SLCO1A2: variants seen among roughly 807,000 people sequenced by gnomAD.
SLCO1A2 encodes the protein solute carrier organic anion transporter family member 1A2.
Under a neutral mutation model 69.0 loss-of-function variants are expected in SLCO1A2, and 67 were observed. The ratio of observed to expected loss-of-function variants is 0.97; its 90% CI spans 0.80 to 1.19. SLCO1A2 has a LOEUF of 1.19. Ranked by LOEUF, SLCO1A2 falls within the 50% of genes most tolerant of loss-of-function variation. The pLI, the probability that SLCO1A2 is intolerant of heterozygous loss-of-function variation, is 0.00. For synonymous variants in SLCO1A2, 260 were observed against 265.9 expected (o/e 0.98, Z 0.22); for missense variants, 787 against 793.7 (o/e 0.99, Z 0.10).
At chr12:21,365,627 A>G (rs1281219355) in intron 2 of SLCO1A2, among the ~76,000 whole-genome samples, 9 of 152,362 alleles carry the variant, frequency 5.9e-5, no homozygotes, top group Admixed American at 1.3e-4. Flanking sequence ...AGAATGGGAG[A>G]AAATTTTTAC....
In SLCO1A2 at chr12:21,393,403, T is replaced by C. The variant is rs141608153; in HGVS notation, c.-190+1503A>G. On this transcript the variant is annotated intron_variant, in intron 1 of 15. Transcript: ENST00000307378. Reference sequence around the variant, plus strand: ...CAGAGAATGATATACACTGATTCTATTAGATGCATAATAAGAAACAACCAT... The same window carrying C: ...CAGAGAATGATATACACTGATTCTACTAGATGCATAATAAGAAACAACCAT... Among the ~76,000 whole-genome samples the C allele has an allele frequency of 6.1e-4, 93 of 152,290 alleles. 3 individuals are homozygous for C. The highest frequency in any genetic ancestry group is 2.1e-3 in the African/African-American group (87 of 41,562).
At chr12:21,328,113 G>A (rs921974929) in intron 2 of SLCO1A2, among the ~76,000 whole-genome samples, 1 of 152,170 alleles carries the variant, frequency 6.6e-6, no homozygotes, top group African/African-American at 2.4e-5. Context: ...CTGCCACCGT[G>A]TAAGATATGC....
chr12:21,346,983 A>C (rs1021932492), intron 2 of SLCO1A2, among the ~76,000 whole-genome samples: 6 of 152,182 alleles, frequency 3.9e-5, no homozygotes, highest in African/African-American at 1.4e-4. Flanking sequence ...CAAAAAAAAA[A>C]AAAGCCACTA....
upstream of SLCO1A2, among the ~76,000 whole-genome samples, chr12:21,397,011 C>G (rs1052926565): frequency 1.3e-5 from 2 of 151,230 alleles, no homozygotes; most frequent in African/African-American, 4.9e-5. Flanking sequence ...GGATCAAATT[C>G]ACACATAACA....
intron 1 of SLCO1A2, among the ~76,000 whole-genome samples, chr12:21,382,160 A>AAAT (rs1435128286): frequency 6.6e-6 from 1 of 152,224 alleles, no homozygotes; most frequent in Non-Finnish European, 1.5e-5. Context: ...AAAAGGAATG[A>AAAT]AATAATGTCT....
intron 1 of SLCO1A2, among the ~76,000 whole-genome samples, chr12:21,393,735 C>A (rs1010350567): frequency 4.6e-5 from 7 of 152,076 alleles, no homozygotes; most frequent in Non-Finnish European, 1.0e-4. Context: ...AGGTATATAT[C>A]TCAGAAATTG....
chr12:21,391,940 C>A (rs1941175875), intron 1 of SLCO1A2, among the ~76,000 whole-genome samples: 1 of 152,138 alleles, frequency 6.6e-6, no homozygotes, highest in South Asian at 2.1e-4. Flanking sequence ...TCTCCTTCTG[C>A]CTTCCTTTTT....
At chr12:21,348,143 A>T (rs1937647758) in intron 2 of SLCO1A2, among the ~76,000 whole-genome samples, 1 of 152,202 alleles carries the variant, frequency 6.6e-6, no homozygotes, top group Admixed American at 6.5e-5. Flanking sequence ...GTATATGTTT[A>T]TGGGGTACAT....
chr12:21,298,572 T>C (rs1469185215), intron 8 of SLCO1A2, among the ~76,000 whole-genome samples: 4 of 152,156 alleles, frequency 2.6e-5, no homozygotes, highest in Non-Finnish European at 4.4e-5. Flanking sequence ...TTAATGCAAG[T>C]AAATGAGTTA....
intron 2 of SLCO1A2, chr12:21,373,670 A>G (rs1409685287): frequency 1.3e-5 from 9 of 701,334 alleles, no homozygotes; most frequent in African/African-American, 5.2e-5. Flanking sequence ...AGTTTTGTCA[A>G]GAAATATACT....
intron 2 of SLCO1A2, among the ~76,000 whole-genome samples, chr12:21,345,152 T>A (rs1177459289): frequency 1.3e-5 from 2 of 152,012 alleles, no homozygotes; most frequent in African/African-American, 4.8e-5. Flanking sequence ...GTTTCCTGCT[T>A]GGTTTTGCTA....
chr12:21,306,611 G>A (rs1055270470), intron 5 of SLCO1A2, among the ~76,000 whole-genome samples: 10 of 152,174 alleles, frequency 6.6e-5, no homozygotes, highest in African/African-American at 2.4e-4. Context: ...ACAGGCGTGA[G>A]CCACTGCACC....
At chr12:21,388,681 T>G (rs1249179137) in intron 1 of SLCO1A2, among the ~76,000 whole-genome samples, 1 of 152,154 alleles carries the variant, frequency 6.6e-6, no homozygotes, top group Non-Finnish European at 1.5e-5. Flanking sequence ...AATTTTTAAC[T>G]GTAATCATTA....
At chr12:21,372,503 G>A (rs1591893806) in intron 2 of SLCO1A2, among the ~76,000 whole-genome samples, 1 of 152,144 alleles carries the variant, frequency 6.6e-6, no homozygotes, top group East Asian at 1.9e-4. Flanking sequence ...AGCTTCATGG[G>A]ATTCAGCCAT....
chr12:21,376,226 C>A, intron 1 of SLCO1A2: 1 of 167,536 alleles, frequency 6.0e-6, no homozygotes, highest in Non-Finnish European at 1.3e-5. Flanking sequence ...GTATTTCACA[C>A]TGTGCTTCAG....
At chr12:21,312,554 C>T (rs1950351146) in intron 4 of SLCO1A2, among the ~76,000 whole-genome samples, 2 of 152,200 alleles carry the variant, frequency 1.3e-5, no homozygotes, top group Non-Finnish European at 2.9e-5. Context: ...TCAACTTGCC[C>T]TCCTCGCTGA....
At chr12:21,378,733 C>G (rs569574312) in intron 1 of SLCO1A2, 1 of 262,536 alleles carries the variant, frequency 3.8e-6, no homozygotes, top group Non-Finnish European at 7.4e-6. Context: ...GTAGTTTGAA[C>G]CTTGGTAAAT....
chr12:21,305,198 C>T (rs903195984), intron 5 of SLCO1A2, among the ~76,000 whole-genome samples: 5 of 152,220 alleles, frequency 3.3e-5, no homozygotes, highest in Admixed American at 2.6e-4. Context: ...ATCCTTGGAG[C>T]CGCAGCTGCT....
chr12:21,267,531 C>G lies in SLCO1A2; in HGVS notation c.*2017G>C, dbSNP rs939061114. 1.3e-5 allele frequency: 2 copies of G among 152,180 alleles called. No individual in the cohort carries two copies. Among genetic ancestry groups the G allele is most frequent in the Admixed American group, 6.6e-5 (1 of 15,250 alleles). 9.4% of individuals were successfully genotyped at this position (152,180 alleles called of 1,614,324 possible). A position where few individuals can be genotyped will look rare whatever the true frequency, so the allele number is the denominator to read the frequency against. Reference sequence around the variant, plus strand: ...CCGTAAGAACTAACCTCATTATGTCCTCTGCCCCCATTTATGTCAGTCACC... The same window carrying G: ...CCGTAAGAACTAACCTCATTATGTCGTCTGCCCCCATTTATGTCAGTCACC... On this transcript the variant is annotated 3_prime_UTR_variant, in exon 15 of 15. Coordinates refer to ENST00000683939, the MANE Select transcript of SLCO1A2 (RefSeq NM_001386879.1).
Sources: gnomAD v4.1 joint callset for allele counts (sites outside exome capture counted in the v4.1 genomes callset) on GRCh38, gnomAD v4.1.1 for gene constraint, MANE v1.5 for transcripts, NCBI Gene and HGNC (gene_info 2026-07-23, HGNC 2026-07-21) for gene names.